Variants in CLASP1 observed in about 807,000 individuals in gnomAD.
The protein encoded by CLASP1 is cytoplasmic linker associated protein 1.
Under a neutral mutation model 192.3 loss-of-function variants are expected in CLASP1, and 38 were observed. The observed-to-expected ratio is 0.20, with a 90% CI of 0.15 to 0.26. CLASP1 has a LOEUF of 0.26. CLASP1 is among the 10% of genes least tolerant of loss of function. The pLI is 1.00. For synonymous variants in CLASP1, 691 were observed against 712.8 expected, an observed-to-expected ratio of 0.97 and a Z score of 0.49; for missense variants, 1,433 against 1,932.5, an observed-to-expected ratio of 0.74 and a Z score of 4.85.
In CLASP1 at chr2:121,606,058, CT is replaced by C. The variant is rs1455157955; in HGVS notation, c.-164del. 6 of 609,336 alleles carry C rather than the reference CT, an allele frequency of 9.8e-6. No individual in the cohort carries two copies. The South Asian group carries it at 1.0e-4, about 10-fold the overall frequency. The allele number at this position is 609,336 out of a possible 1,614,324, so 37.7% of individuals were successfully genotyped here. On this transcript the variant is annotated 5_prime_UTR_variant, in exon 2 of 40. Transcript: ENST00000263710. The stretch of plus-strand genomic sequence containing the variant: ...AATGGCAACAATGCACCATGTGTGT[CT>C]GAAGAGCAGCTGGTAGGATATTAAA...
At chr2:121,392,863 A>C (rs2149411886) in intron 30 of CLASP1, among the ~76,000 whole-genome samples, 1 of 152,338 alleles carries the variant, frequency 6.6e-6, no homozygotes, top group East Asian at 1.9e-4. Context: ...GGCTAGTTAC[A>C]GACTGGGTTG....
intron 19 of CLASP1, among the ~76,000 whole-genome samples, chr2:121,430,409 A>G (rs1205822269): frequency 6.6e-6 from 1 of 152,276 alleles, no homozygotes; most frequent in East Asian, 1.9e-4. Flanking sequence ...TGAACTCCTG[A>G]GATGGAGCCA....
At chr2:121,609,434 T>C (rs966858292) in intron 1 of CLASP1, among the ~76,000 whole-genome samples, 1 of 152,218 alleles carries the variant, frequency 6.6e-6, no homozygotes. Flanking sequence ...TTGAATTCTC[T>C]CTTCTTTTTC....
chr2:121,401,327 T>C (rs1402439785), intron 28 of CLASP1, among the ~76,000 whole-genome samples, 182 bp downstream of exon 29: 5 of 152,218 alleles, frequency 3.3e-5, no homozygotes, highest in African/African-American at 7.2e-5. Flanking sequence ...AAGGAAGATA[T>C]GGTATTTCAT....
chr2:121,433,675 G>C (rs1001192386), intron 19 of CLASP1, among the ~76,000 whole-genome samples: 2 of 151,982 alleles, frequency 1.3e-5, no homozygotes, highest in African/African-American at 4.8e-5. Flanking sequence ...AGAATTGCTT[G>C]AACCTGGGAG....
At chr2:121,604,165 G>C (rs2064134577) in intron 2 of CLASP1, among the ~76,000 whole-genome samples, 1 of 152,110 alleles carries the variant, frequency 6.6e-6, no homozygotes, top group Non-Finnish European at 1.5e-5. Flanking sequence ...AATATCATTA[G>C]GTATCCCATG....
At chr2:121,372,408 C>G (rs1226603093) in intron 34 of CLASP1, among the ~76,000 whole-genome samples, 1 of 152,180 alleles carries the variant, frequency 6.6e-6, no homozygotes, top group Non-Finnish European at 1.5e-5. Flanking sequence ...CTTTAGTTAT[C>G]TTCAAGCAAC....
Position 121,490,836 on chromosome 2 carries a change from C to T in CLASP1, c.712+12331G>A, listed in dbSNP as rs189917094. ...CTTTCCTAAGATACTGAACCACTAT[C>T]CCAAACCTTGTAATATGCATAGTCT... is the stretch of plus-strand genomic sequence containing the variant. On this transcript the variant is annotated intron_variant, in intron 8 of 39. Coordinates refer to ENST00000263710, the Ensembl canonical transcript of CLASP1. Among the ~76,000 whole-genome samples the T allele has an allele frequency of 2.0e-3, 308 of 152,300 alleles. 1 individual carries two copies. Among genetic ancestry groups the T allele is most frequent in the African/African-American group, 7.0e-3 (289 of 41,572 alleles).
chr2:121,611,802 T>G (rs1184351401), intron 1 of CLASP1, among the ~76,000 whole-genome samples: 738 of 37,868 alleles, frequency 0.019, no homozygotes, highest in African/African-American at 0.028. Context: ...AACTGGAGGA[T>G]GATGAGGAGG....
Position 121,418,557 on chromosome 2 carries a change from G to C in CLASP1, c.2320+65C>G. 2.7e-6 allele frequency: 3 copies of C among 1,096,258 alleles called. No individual in the cohort carries two copies. The South Asian group carries it at 3.7e-5, about 14-fold the overall frequency. 67.9% of individuals were successfully genotyped at this position (1,096,258 alleles called of 1,614,324 possible). On this transcript the variant is annotated intron_variant, in intron 23 of 39. Transcript: ENST00000263710. ...GAGGAAAAGCAGGTCATTCCGCCTA[G>C]CAGTGTCTCGGACAAGCAGGGAAAG...
chr2:121,500,202 C>G (rs775429931), intron 8 of CLASP1, among the ~76,000 whole-genome samples: 2 of 150,118 alleles, frequency 1.3e-5, no homozygotes, highest in Non-Finnish European at 3.0e-5. Context: ...ACTGAACAGT[C>G]AAAGGTTTGA....
At chr2:121,458,377 C>CA (rs1418087129) in intron 13 of CLASP1, among the ~76,000 whole-genome samples, 1 of 152,134 alleles carries the variant, frequency 6.6e-6, no homozygotes, top group Non-Finnish European at 1.5e-5. Context: ...TAAATTTAAA[C>CA]AAACAAGTGC....
intron 25 of CLASP1, among the ~76,000 whole-genome samples, chr2:121,405,465 T>C (rs1165789665): frequency 6.6e-6 from 1 of 152,188 alleles, no homozygotes; most frequent in Non-Finnish European, 1.5e-5. Flanking sequence ...AAGCAAACAC[T>C]CATTTCACAT....
At chr2:121,514,282 T>C (rs1418022484) in intron 7 of CLASP1, among the ~76,000 whole-genome samples, 3 of 152,250 alleles carry the variant, frequency 2.0e-5, no homozygotes, top group Admixed American at 6.5e-5. Flanking sequence ...AGGCCATCCC[T>C]GCAGCAGGGC....
chr2:121,540,687 T>C (rs372932022), intron 2 of CLASP1, among the ~76,000 whole-genome samples: 109 of 151,756 alleles, frequency 7.2e-4, no homozygotes, highest in African/African-American at 2.5e-3. Context: ...ACTTGGAGGC[T>C]GAGGCAGGAG....
chr2:121,420,233 G>T (rs941385493), intron 22 of CLASP1, among the ~76,000 whole-genome samples: 1 of 151,962 alleles, frequency 6.6e-6, no homozygotes, highest in Non-Finnish European at 1.5e-5. Context: ...CCTTAATTTT[G>T]CCAGAGTGAT....
At chr2:121,364,018 G>GC (rs1448396742) in intron 36 of CLASP1, 5 of 151,952 alleles carry the variant, frequency 3.3e-5, no homozygotes, top group Non-Finnish European at 7.4e-5. Flanking sequence ...TCCCAACAGA[G>GC]CCAACAAGGC....
intron 6 of CLASP1, among the ~76,000 whole-genome samples, chr2:121,522,090 AG>A (rs2094470828): frequency 6.6e-6 from 1 of 152,216 alleles, no homozygotes; most frequent in South Asian, 2.1e-4. Context: ...ACTTCCTGGC[AG>A]AAGGGAGACA....
chr2:121,531,060 T>TA (rs1488733198), intron 2 of CLASP1: 1 of 696,200 alleles, frequency 1.4e-6, no homozygotes, highest in Admixed American at 2.0e-5. Context: ...AATTCGTAAA[T>TA]AAACTAGTAC....
Sources: gnomAD v4.1 joint callset for allele counts (sites outside exome capture counted in the v4.1 genomes callset) on GRCh38, gnomAD v4.1.1 for gene constraint, MANE v1.5 for transcripts, NCBI Gene and HGNC (gene_info 2026-07-23, HGNC 2026-07-21) for gene names.